ST3GAL3: variants seen among roughly 807,000 people sequenced by gnomAD.
ST3GAL3 encodes ST3 beta-galactoside alpha-2,3-sialyltransferase 3, also known as CMP-N-acetylneuraminate-beta-1,4-galactoside alpha-2,3-sialyltransferase.
ST3GAL3 carries 21 observed loss-of-function variants against 50.1 expected under a neutral mutation model. The ratio of observed to expected loss-of-function variants is 0.42; its 90% CI spans 0.30 to 0.60. The LOEUF (loss-of-function observed/expected upper bound fraction) is 0.60. Among genes scored for constraint, ST3GAL3 ranks in the 20% least tolerant of loss-of-function variants. The pLI, the probability that ST3GAL3 is intolerant of heterozygous loss-of-function variation, is 0.19. For missense variants in ST3GAL3, 353 were observed against 489.4 expected, an observed-to-expected ratio of 0.72 and a Z score of 2.63; for synonymous variants, 183 against 190.0, an observed-to-expected ratio of 0.96 and a Z score of 0.30.
chr1:43,766,904 A>G (rs1240345289), intron 2 of ST3GAL3, among the ~76,000 whole-genome samples: 1 of 152,174 alleles, frequency 6.6e-6, no homozygotes, highest in Non-Finnish European at 1.5e-5. Context: ...AGATGAATGA[A>G]TAAGATGAGA....
chr1:43,762,452 A>G (rs1690872503), intron 2 of ST3GAL3, among the ~76,000 whole-genome samples: 1 of 151,944 alleles, frequency 6.6e-6, no homozygotes, highest in South Asian at 2.1e-4. Flanking sequence ...CCAGGGTGGG[A>G]GACAATACTT....
chr1:43,814,772 A>G, intron 3 of ST3GAL3, 119 bp from the exon 4 acceptor site: 1 of 921,126 alleles, frequency 1.1e-6, no homozygotes, highest in Non-Finnish European at 1.8e-6. Context: ...TCTTTGAAGC[A>G]GTTGAATTGT....
In ST3GAL3 at chr1:43,838,472, T is replaced by A. The variant is rs933838381; in HGVS notation, c.302+161T>A. 4.1e-4 allele frequency: 284 copies of A among 688,298 alleles called. 2 individuals carry two copies. Among genetic ancestry groups the A allele is most frequent in the South Asian group, 4.1e-3 (281 of 68,540 alleles). 42.6% of individuals were successfully genotyped at this position (688,298 alleles called of 1,614,324 possible). ...AAGTTGGTTCCTACTCCAGTCCTAC[T>A]CCATGCCGTTGCTTTGCCTTACTCC... On this transcript the variant is annotated intron_variant, in intron 5 of 11. Coordinates refer to ENST00000347631, the MANE Select transcript of ST3GAL3 (RefSeq NM_006279.5).
At chr1:43,750,806 C>T (rs1297860599) in intron 2 of ST3GAL3, among the ~76,000 whole-genome samples, 1 of 151,726 alleles carries the variant, frequency 6.6e-6, no homozygotes, top group African/African-American at 2.4e-5. Flanking sequence ...GCTCAGTGAG[C>T]CATGTTCATG....
At chr1:43,770,000 A>G (rs1694466404) in intron 2 of ST3GAL3, among the ~76,000 whole-genome samples, 1 of 152,180 alleles carries the variant, frequency 6.6e-6, no homozygotes, top group African/African-American at 2.4e-5. Context: ...TGAAACTTCA[A>G]TCTTTCATCC....
At chr1:43,866,588 TA>T (rs368612359) in intron 5 of ST3GAL3, among the ~76,000 whole-genome samples, 752 of 128,584 alleles carry the variant, frequency 5.8e-3, no homozygotes, top group Admixed American at 6.3e-3. Flanking sequence ...TGTCTCAAGG[TA>T]AAAAAAAAAA....
chr1:43,836,890 G>T (rs2064426843), intron 4 of ST3GAL3, among the ~76,000 whole-genome samples: 2 of 152,228 alleles, frequency 1.3e-5, no homozygotes, highest in Admixed American at 1.3e-4. Flanking sequence ...ATGTGAGGTG[G>T]CATGATTATG....
intron 6 of ST3GAL3, 156 bp from the exon 7 acceptor site, chr1:43,898,079 G>C: frequency 1.3e-6 from 1 of 779,760 alleles, no homozygotes; most frequent in Non-Finnish European, 2.2e-6. Flanking sequence ...AAGAAAGTCA[G>C]GGCAGTGGCC....
rs113803510 is a variant in ST3GAL3 at position 43,916,721 on chromosome 1, C to T, written c.745-3683C>T. On this transcript the variant is annotated intron_variant, in intron 9 of 11. Coordinates refer to ENST00000347631, the MANE Select transcript of ST3GAL3 (RefSeq NM_006279.5). The stretch of plus-strand genomic sequence containing the variant: ...CCTCAGCCCCCCGAGTGGCTGGGAC[C>T]ACAGCCTCATGCCCAGCTAATTATT... 122 of 152,220 alleles carry T rather than the reference C, an allele frequency of 8.0e-4. 3 individuals carry two copies. The highest frequency in any genetic ancestry group is 2.6e-3 in the African/African-American group (109 of 41,540). 9.4% of individuals were successfully genotyped at this position (152,220 alleles called of 1,614,324 possible).
intron 4 of ST3GAL3, among the ~76,000 whole-genome samples, chr1:43,819,439 T>TC (rs1181204568): frequency 2.6e-5 from 4 of 152,074 alleles, no homozygotes; most frequent in African/African-American, 9.7e-5. Flanking sequence ...TTTGATTTTT[T>TC]CCCCCATCTA....
At chr1:43,842,294 A>G (rs1307419472) in intron 5 of ST3GAL3, 1 of 151,956 alleles carries the variant, frequency 6.6e-6, no homozygotes, top group Non-Finnish European at 1.5e-5. Flanking sequence ...ACATTTTTAG[A>G]TATCTTTCTA....
At chr1:43,898,439 G>T in intron 7 of ST3GAL3, 141 bp downstream of exon 7, 1 of 868,982 alleles carries the variant, frequency 1.2e-6, no homozygotes, top group Non-Finnish European at 1.9e-6. Context: ...CACAGGGTGG[G>T]TGGAGCAGGT....
intron 2 of ST3GAL3, among the ~76,000 whole-genome samples, chr1:43,776,456 T>A (rs1380830053): frequency 6.6e-6 from 1 of 152,182 alleles, no homozygotes; most frequent in Non-Finnish European, 1.5e-5. Context: ...TATTTATCCA[T>A]TCATCAGTTG....
intron 5 of ST3GAL3, among the ~76,000 whole-genome samples, chr1:43,865,344 T>C (rs1350204839): frequency 6.6e-6 from 1 of 152,168 alleles, no homozygotes; most frequent in African/African-American, 2.4e-5. Flanking sequence ...TAAGTCTTTA[T>C]GCACCTTCCT....
intron 1 of ST3GAL3, among the ~76,000 whole-genome samples, chr1:43,727,025 C>CTGTCGT (rs2154079156): frequency 6.6e-6 from 1 of 152,308 alleles, no homozygotes; most frequent in Admixed American, 6.5e-5. Flanking sequence ...TTTTCATCAG[C>CTGTCGT]TGTCGTTTCA....
At chr1:43,849,003 A>G (rs2066790024) in intron 5 of ST3GAL3, among the ~76,000 whole-genome samples, 1 of 151,900 alleles carries the variant, frequency 6.6e-6, no homozygotes, top group African/African-American at 2.4e-5. Flanking sequence ...GTCTTCTTAT[A>G]TCTTCTGTTT....
chr1:43,882,552 AAC>A (rs1558713626), intron 5 of ST3GAL3, among the ~76,000 whole-genome samples: 2 of 152,312 alleles, frequency 1.3e-5, no homozygotes, highest in Non-Finnish European at 1.5e-5. Context: ...CTAGGACTCA[AAC>A]AGTGTCTTCC....
intron 5 of ST3GAL3, chr1:43,840,448 A>G (rs3011219): frequency 0.56 from 84,718 of 151,892 alleles, 26,837 homozygotes; most frequent in Non-Finnish European, 0.72. Context: ...TCCCTTCTCA[A>G]TAGTCCCTGC....
intron 1 of ST3GAL3, among the ~76,000 whole-genome samples, chr1:43,717,382 A>G (rs1571226760): frequency 6.6e-6 from 1 of 152,324 alleles, no homozygotes; most frequent in East Asian, 1.9e-4. Flanking sequence ...CTTTCTGAAA[A>G]AATACATGAG....
Sources: gnomAD v4.1 joint callset for allele counts (sites outside exome capture counted in the v4.1 genomes callset) on GRCh38, gnomAD v4.1.1 for gene constraint, MANE v1.5 for transcripts, NCBI Gene and HGNC (gene_info 2026-07-23, HGNC 2026-07-21) for gene names.